BICC1: variants seen among roughly 807,000 people sequenced by gnomAD.
The protein encoded by BICC1 is protein bicaudal C homolog 1.
Under a neutral mutation model 111.0 loss-of-function variants are expected in BICC1, and 43 were observed. That is an observed-to-expected ratio of 0.39 (90% CI 0.30 to 0.50). The LOEUF (loss-of-function observed/expected upper bound fraction) is 0.50. Ranked by LOEUF, BICC1 falls within the 20% of genes least tolerant of loss-of-function variation. BICC1 has a pLI of 0.88. For synonymous variants in BICC1, 467 were observed against 434.4 expected, an observed-to-expected ratio of 1.07 and a Z score of -0.93; for missense variants, 1,091 against 1,203.2, an observed-to-expected ratio of 0.91 and a Z score of 1.38.
chr10:58,789,553 C>A lies in BICC1; in HGVS notation c.795+97C>A, dbSNP rs1843112834. ...GACTAATTTGATTTCCAGAATTTTC[C>A]TTCGTTCTACATTTTGGTTTGCAGA... On this transcript the variant is annotated intron_variant, in intron 7 of 20. Transcript: ENST00000373886. 4.0e-6 allele frequency: 6 copies of A among 1,505,804 alleles called. No homozygotes were observed. The South Asian group carries it at 6.5e-5, about 16-fold the overall frequency. 93.3% of individuals were successfully genotyped at this position (1,505,804 alleles called of 1,614,324 possible). A position where few individuals can be genotyped will look rare whatever the true frequency, so the allele number is the denominator to read the frequency against.
At chr10:58,518,824 G>A (rs572633497) in intron 1 of BICC1, among the ~76,000 whole-genome samples, 18 of 152,178 alleles carry the variant, frequency 1.2e-4, no homozygotes, top group African/African-American at 2.9e-4. Flanking sequence ...GTAGAGTTCC[G>A]TGAGGATGCA....
In BICC1 at chr10:58,672,569, T is replaced by C. The variant is rs540884417; in HGVS notation, c.238-29505T>C. Among the ~76,000 whole-genome samples the C allele has an allele frequency of 5.3e-5, 8 of 152,286 alleles. No homozygotes were observed. The South Asian group carries it at 1.2e-3, about 24-fold the overall frequency. On this transcript the variant is annotated intron_variant, in intron 2 of 20. Coordinates refer to ENST00000373886, the MANE Select transcript of BICC1 (RefSeq NM_001080512.3). The stretch of plus-strand genomic sequence containing the variant: ...TGATATCATTGCACTTTGTAAATTT[T>C]TCATGACACTTAACTTTGTAATTAT...
At chr10:58,736,965 A>C (rs1026272049) in intron 3 of BICC1, among the ~76,000 whole-genome samples, 1 of 152,110 alleles carries the variant, frequency 6.6e-6, no homozygotes, top group African/African-American at 2.4e-5. Context: ...TGGGGCATAG[A>C]AATTTTATTT....
chr10:58,637,237 T>G (rs972017408), intron 2 of BICC1, among the ~76,000 whole-genome samples: 5 of 152,330 alleles, frequency 3.3e-5, no homozygotes, highest in East Asian at 1.9e-4. Flanking sequence ...AGGTGGTGGT[T>G]AAGTTCTCAT....
chr10:58,799,245 A>C lies in BICC1; in HGVS notation c.1718A>C (p.His573Pro). Residue 573 changes from histidine to proline, a missense_variant, in exon 12 of 21, where the codon CAT becomes CCT. This residue lies in a region of BICC1 where 843 missense variants were observed against 900.8 expected (regional missense o/e 0.94). Coordinates refer to ENST00000373886, the MANE Select transcript of BICC1 (RefSeq NM_001080512.3). ...GKKISAALNGHAQSPDIKYGA... is the reference protein window; with the variant it reads ...GKKISAALNGPAQSPDIKYGA... ...AAAATCTCTGCTGCTTTAAATGGAC[A>C]TGCACAGGTAATGGCCTTCTGCCAG... 1 of 1,596,766 alleles carries C rather than the reference A, an allele frequency of 6.3e-7. No individual in the cohort carries two copies. The highest frequency in any genetic ancestry group is 2.3e-5 in the East Asian group (1 of 44,296).
intron 2 of BICC1, among the ~76,000 whole-genome samples, chr10:58,695,313 A>G (rs990960723): frequency 6.6e-6 from 1 of 152,158 alleles, no homozygotes; most frequent in Admixed American, 6.5e-5. Flanking sequence ...CTTCATGGTG[A>G]AATGCAGCGA....
chr10:58,580,519 T>C (rs1044381628), intron 1 of BICC1, among the ~76,000 whole-genome samples: 14 of 152,186 alleles, frequency 9.2e-5, no homozygotes, highest in African/African-American at 3.4e-4. Context: ...TCCAAAAATC[T>C]GAAAAAATCC....
At chr10:58,609,758 A>G (rs577608974) in intron 1 of BICC1, among the ~76,000 whole-genome samples, 17 of 152,356 alleles carry the variant, frequency 1.1e-4, no homozygotes, top group Admixed American at 2.0e-4. Context: ...GCGTAGCTCT[A>G]TAGGAAGATC....
At chr10:58,547,249 A>G (rs1359296145) in intron 1 of BICC1, among the ~76,000 whole-genome samples, 1 of 152,082 alleles carries the variant, frequency 6.6e-6, no homozygotes. Context: ...ATTCATTGTC[A>G]TGTCTCCCTT....
chr10:58,624,736 G>A (rs1349552116), intron 2 of BICC1, among the ~76,000 whole-genome samples: 1 of 152,106 alleles, frequency 6.6e-6, no homozygotes, highest in Non-Finnish European at 1.5e-5. Flanking sequence ...TGGGATTACA[G>A]GCATGCGCCA....
intron 1 of BICC1, among the ~76,000 whole-genome samples, chr10:58,595,758 G>T (rs1308065436): frequency 6.6e-6 from 1 of 152,134 alleles, no homozygotes; most frequent in African/African-American, 2.4e-5. Context: ...ACAGGAGAAA[G>T]CAGGAAAGAG....
intron 3 of BICC1, among the ~76,000 whole-genome samples, chr10:58,769,164 AG>A (rs1385360109): frequency 2.0e-5 from 3 of 151,868 alleles, no homozygotes. Context: ...TGTTGGTCAA[AG>A]GATACAAACT....
Position 58,829,625 on chromosome 10 carries a change from C to G in BICC1, c.*734C>G, listed in dbSNP as rs544016360. 5.3e-5 allele frequency: 8 copies of G among 152,250 alleles called. No individual in the cohort carries two copies. The highest frequency in any genetic ancestry group is 1.7e-4 in the African/African-American group (7 of 41,564). 9.4% of individuals were successfully genotyped at this position (152,250 alleles called of 1,614,324 possible). ...ATGTATGTTAGCATCCTAGAAACAC[C>G]TAGCAATGGACCTAGTTCACAGTAA... On this transcript the variant is annotated 3_prime_UTR_variant, in exon 21 of 21. Coordinates refer to ENST00000373886, the MANE Select transcript of BICC1 (RefSeq NM_001080512.3).
At chr10:58,551,966 G>GC (rs1843307516) in intron 1 of BICC1, among the ~76,000 whole-genome samples, 3 of 151,126 alleles carry the variant, frequency 2.0e-5, no homozygotes, top group Admixed American at 2.0e-4. Context: ...GTTTTTTTTG[G>GC]GGGGGGATAG....
intron 3 of BICC1, among the ~76,000 whole-genome samples, chr10:58,770,447 A>C (rs1842593429): frequency 1.3e-5 from 2 of 152,154 alleles, no homozygotes; most frequent in South Asian, 4.1e-4. Context: ...CTTAAAAGTG[A>C]GGGAAAATAA....
At chr10:58,664,845 A>G (rs180723877) in intron 2 of BICC1, among the ~76,000 whole-genome samples, 29 of 152,280 alleles carry the variant, frequency 1.9e-4, no homozygotes, top group Non-Finnish European at 3.2e-4. Context: ...GGAGTGTGTC[A>G]GTAGTCAGTA....
chr10:58,738,762 A>C (rs917267798), intron 3 of BICC1, among the ~76,000 whole-genome samples: 4 of 151,478 alleles, frequency 2.6e-5, no homozygotes, highest in Admixed American at 6.6e-5. Flanking sequence ...CTTTGATTTC[A>C]TTGAGCAGTG....
At chr10:58,624,118 C>A (rs1845911990) in intron 2 of BICC1, among the ~76,000 whole-genome samples, 1 of 152,144 alleles carries the variant, frequency 6.6e-6, no homozygotes, top group Non-Finnish European at 1.5e-5. Context: ...TGCTGGTGAT[C>A]TTTGGTGTTC....
intron 1 of BICC1, among the ~76,000 whole-genome samples, chr10:58,515,535 T>C (rs757989936): frequency 6.6e-6 from 1 of 152,220 alleles, no homozygotes; most frequent in Admixed American, 6.5e-5. Context: ...AGGTAATGTG[T>C]TATGTTACTA....
Sources: allele counts gnomAD v4.1 joint callset (sites outside exome capture counted in the v4.1 genomes callset), GRCh38; gene constraint gnomAD v4.1.1; regional missense constraint gnomAD v4.1.1; transcripts MANE v1.5; gene names NCBI Gene and HGNC (gene_info 2026-07-23, HGNC 2026-07-21).